The following BNC2 variants were observed in gnomAD, a reference collection of about 807,000 sequenced individuals.
BNC2 encodes basonuclin zinc finger protein 2, also known as zinc finger protein basonuclin-2.
Under a neutral mutation model 76.3 loss-of-function variants are expected in BNC2, and 20 were observed. The observed-to-expected ratio is 0.26, with a 90% CI of 0.18 to 0.38. The LOEUF (loss-of-function observed/expected upper bound fraction) is 0.38. Ranked by LOEUF, BNC2 falls within the 10% of genes least tolerant of loss-of-function variation. BNC2 has a pLI of 1.00. For missense variants in BNC2, 1,382 were observed against 1,399.8 expected (o/e 0.99, Z 0.20); for synonymous variants, 582 against 514.8 (o/e 1.13, Z -1.77).
In BNC2 at chr9:16,759,904, C is replaced by T. The variant is rs376318989; in HGVS notation, c.4-21419G>A. 6.6e-5 allele frequency among the ~76,000 whole-genome samples: 10 copies of T among 152,052 alleles called. 1 individual carries two copies. Among genetic ancestry groups the T allele is most frequent in the African/African-American group, 2.4e-4 (10 of 41,500 alleles). On this transcript the variant is annotated intron_variant, in intron 1 of 6. Transcript: ENST00000380672. Reference sequence around the variant, plus strand: ...ACGCCCGGCTAATTTTTTGTATTTTCAGTAGAGACGGGGTTTCACCGCATT... The same window carrying T: ...ACGCCCGGCTAATTTTTTGTATTTTTAGTAGAGACGGGGTTTCACCGCATT...
chr9:16,521,918 A>T (rs964351169), intron 5 of BNC2, among the ~76,000 whole-genome samples: 2 of 152,218 alleles, frequency 1.3e-5, no homozygotes, highest in African/African-American at 4.8e-5. Context: ...GGAAAAAATT[A>T]AAAAGCTCCC....
chr9:16,435,502 G>A (rs1820988499), intron 6 of BNC2, 53 bp downstream of exon 6: 1 of 1,600,996 alleles, frequency 6.2e-7, no homozygotes, highest in Non-Finnish European at 8.5e-7. Context: ...CAACATGACT[G>A]AAAACTGGCA....
intron 1 of BNC2, among the ~76,000 whole-genome samples, chr9:16,798,384 A>T (rs1430689205): frequency 2.0e-5 from 3 of 152,206 alleles, no homozygotes; most frequent in Non-Finnish European, 2.9e-5. Context: ...TCAATAAATT[A>T]AATATATATG....
intron 3 of BNC2, among the ~76,000 whole-genome samples, chr9:16,595,668 A>G (rs891307262): frequency 1.1e-4 from 16 of 152,152 alleles, no homozygotes; most frequent in Non-Finnish European, 2.4e-4. Flanking sequence ...ATGAATCTGA[A>G]GGTAAAATGT....
At chr9:16,567,345 G>A (rs1260187852) in intron 4 of BNC2, among the ~76,000 whole-genome samples, 1 of 152,116 alleles carries the variant, frequency 6.6e-6, no homozygotes, top group Non-Finnish European at 1.5e-5. Context: ...TAACTATACT[G>A]CTAACTTAAA....
At chr9:16,792,038 G>A (rs1817524856) in intron 1 of BNC2, among the ~76,000 whole-genome samples, 2 of 149,654 alleles carry the variant, frequency 1.3e-5, no homozygotes, top group African/African-American at 2.5e-5. Flanking sequence ...GGAGACGGAA[G>A]TTGCAAGGAG....
chr9:16,662,570 C>A (rs1015883892), intron 3 of BNC2, among the ~76,000 whole-genome samples: 3 of 152,008 alleles, frequency 2.0e-5, no homozygotes, highest in African/African-American at 7.3e-5. Flanking sequence ...ACCTCGTCTC[C>A]ACTAAACATA....
At chr9:16,670,690 G>A (rs1001532355) in intron 3 of BNC2, among the ~76,000 whole-genome samples, 1 of 152,192 alleles carries the variant, frequency 6.6e-6, no homozygotes, top group Admixed American at 6.5e-5. Flanking sequence ...ATTATTGAAG[G>A]AAATGCAAAC....
intron 3 of BNC2, among the ~76,000 whole-genome samples, chr9:16,614,318 T>C (rs543111635): frequency 1.3e-5 from 2 of 152,194 alleles, no homozygotes; most frequent in South Asian, 4.1e-4. Flanking sequence ...GGGGTCTTAC[T>C]CATCACAGCC....
At chr9:16,511,419 A>AC (rs1822752817) in intron 5 of BNC2, among the ~76,000 whole-genome samples, 1 of 111,446 alleles carries the variant, frequency 9.0e-6, no homozygotes, top group African/African-American at 3.5e-5. Context: ...CAATAAATTT[A>AC]CTTTTTTTTT....
At chr9:16,565,404 C>A (rs1251699515) in intron 4 of BNC2, among the ~76,000 whole-genome samples, 2 of 152,158 alleles carry the variant, frequency 1.3e-5, no homozygotes, top group African/African-American at 4.8e-5. Flanking sequence ...ACTATTTGGT[C>A]ACTAAATGTG....
chr9:16,755,265 G>A lies in BNC2; in HGVS notation c.4-16780C>T, dbSNP rs1267765370. Among the ~76,000 whole-genome samples, 6 of 152,144 alleles carry A rather than the reference G, an allele frequency of 3.9e-5. No individual in the cohort carries two copies. The South Asian group carries it at 8.3e-4, about 21-fold the overall frequency. ...GGAGGCAGAAGCACACTGGGTGCAG[G>A]AAAACAGTCCACAGGAGACCCAGGG... On this transcript the variant is annotated intron_variant, in intron 1 of 6. Transcript: ENST00000380672.
chr9:16,766,354 CGAA>C (rs1201941288), intron 1 of BNC2, among the ~76,000 whole-genome samples: 2 of 152,098 alleles, frequency 1.3e-5, no homozygotes, highest in Non-Finnish European at 2.9e-5. Context: ...GCTCTGAACA[CGAA>C]GAGCATTCGC....
At chr9:16,802,989 T>C (rs182033050) in intron 1 of BNC2, among the ~76,000 whole-genome samples, 1 of 152,312 alleles carries the variant, frequency 6.6e-6, no homozygotes. Flanking sequence ...GAGTAGACCA[T>C]CACACAGACA....
Position 16,436,551 on chromosome 9 carries a change from G to A in BNC2, c.1643C>T (p.Pro548Leu). 1 of 1,614,148 alleles carries A rather than the reference G, an allele frequency of 6.2e-7. No individual in the cohort carries two copies. The highest frequency in any genetic ancestry group is 8.5e-7 in the Non-Finnish European group (1 of 1,180,020). The change falls in exon 6 of 7, where the codon CCT becomes CTT. Residue 548 changes from proline to leucine, a missense_variant. This residue lies in a region of BNC2 where 798 missense variants were observed against 775.5 expected (regional missense o/e 1.03). Transcript: ENST00000380672. ...GCTAGGGAGAGGATTTTGCAAGACAGGGTCTAGAGGGGGAGTGGTAAAACC... is the reference window on the plus strand; with the variant it reads ...GCTAGGGAGAGGATTTTGCAAGACAAGGTCTAGAGGGGGAGTGGTAAAACC... Reference protein sequence around the residue: ...PMGFTTPPLDPVLQNPLPSQL... With the variant: ...PMGFTTPPLDLVLQNPLPSQL...
chr9:16,552,356 C>A (rs551607748), intron 5 of BNC2, among the ~76,000 whole-genome samples, 174 bp downstream of exon 5: 1 of 152,246 alleles, frequency 6.6e-6, no homozygotes, highest in African/African-American at 2.4e-5. Context: ...GCCTGAGGCC[C>A]GATGGTGGCC....
chr9:16,851,011 C>T (rs1819115002), intron 1 of BNC2, among the ~76,000 whole-genome samples: 2 of 151,742 alleles, frequency 1.3e-5, no homozygotes, highest in Admixed American at 1.3e-4. Context: ...AGCTATGACA[C>T]CATCACTGCA....
intron 3 of BNC2, among the ~76,000 whole-genome samples, chr9:16,589,479 C>T (rs1186509886): frequency 6.8e-6 from 1 of 147,200 alleles, no homozygotes; most frequent in Non-Finnish European, 1.5e-5. Flanking sequence ...AGTCATTGCA[C>T]CTGGCCTAAA....
intron 5 of BNC2, among the ~76,000 whole-genome samples, chr9:16,462,674 A>C (rs1821610717): frequency 6.6e-6 from 1 of 152,194 alleles, no homozygotes; most frequent in South Asian, 2.1e-4. Flanking sequence ...CACAATGGAA[A>C]TGGCGGGGGA....
Sources: allele counts gnomAD v4.1 joint callset (sites outside exome capture counted in the v4.1 genomes callset), GRCh38; gene constraint gnomAD v4.1.1; regional missense constraint gnomAD v4.1.1; transcripts MANE v1.5; gene names NCBI Gene and HGNC (gene_info 2026-07-23, HGNC 2026-07-21).